Variants in RANBP2 observed in about 807,000 individuals in gnomAD.
RANBP2 encodes RAN binding protein 2.
In RANBP2, 57 loss-of-function variants were observed where a neutral mutation model predicts 303.6. That is an observed-to-expected ratio of 0.19 (90% confidence interval 0.15 to 0.23). The LOEUF (loss-of-function observed/expected upper bound fraction) is 0.23. RANBP2 is among the 10% of genes least tolerant of loss of function. RANBP2 has a pLI of 1.00. For missense variants in RANBP2, 3,138 were observed against 3,780.8 expected, an observed-to-expected ratio of 0.83 and a Z score of 4.46; for synonymous variants, 1,167 against 1,301.5, an observed-to-expected ratio of 0.90 and a Z score of 2.23.
the RANBP2 span, among the ~76,000 whole-genome samples, chr2:109,317,824 G>A: frequency 6.6e-6 from 1 of 152,250 alleles, no homozygotes; most frequent in Non-Finnish European, 1.5e-5. Flanking sequence ...TTAAGAACTA[G>A]CGCATCCGTC....
At chr2:109,648,159 C>T in the RANBP2 span, among the ~76,000 whole-genome samples, 470 of 152,248 alleles carry the variant, frequency 3.1e-3, 2 homozygotes, top group African/African-American at 0.011. Flanking sequence ...CGCTTGGGTC[C>T]TCGGGTGGGA....
the RANBP2 span, among the ~76,000 whole-genome samples, chr2:108,821,079 C>T: frequency 3.9e-5 from 6 of 152,042 alleles, no homozygotes; most frequent in South Asian, 2.1e-4. Context: ...AATTTGTGGC[C>T]GGGTGCGGTG....
chr2:109,488,591 G>A, the RANBP2 span, among the ~76,000 whole-genome samples: 22 of 152,106 alleles, frequency 1.4e-4, no homozygotes, highest in African/African-American at 2.9e-4. Flanking sequence ...TTCTGCCCCC[G>A]ACCCCTCACG....
At chr2:109,760,849 G>A in the RANBP2 span, among the ~76,000 whole-genome samples, 6 of 135,930 alleles carry the variant, frequency 4.4e-5, no homozygotes, top group African/African-American at 1.6e-4. Flanking sequence ...TCCTCACCTG[G>A]GCCGGGTGCT....
chr2:108,853,410 CTA>C, the RANBP2 span, among the ~76,000 whole-genome samples: 2 of 151,942 alleles, frequency 1.3e-5, no homozygotes, highest in African/African-American at 4.8e-5. Flanking sequence ...ATACAGAAAT[CTA>C]TGTGTATTTT....
At chr2:109,206,490 CAAAAAAAAAA>C in the RANBP2 span, among the ~76,000 whole-genome samples, 2 of 40,756 alleles carry the variant, frequency 4.9e-5, no homozygotes, top group African/African-American at 2.0e-4. Context: ...GACTCCGTCT[CAAAAAAAAAA>C]AAAAAAAAAA....
chr2:109,247,638 C>T, the RANBP2 span, among the ~76,000 whole-genome samples: 103 of 152,320 alleles, frequency 6.8e-4, no homozygotes, highest in Non-Finnish European at 1.1e-3. Flanking sequence ...TCACAGTTGA[C>T]GGACTGGCTG....
the RANBP2 span, among the ~76,000 whole-genome samples, chr2:109,397,005 C>T: frequency 2.0e-5 from 3 of 152,212 alleles, no homozygotes; most frequent in Non-Finnish European, 2.9e-5. Flanking sequence ...GAATGCCCCC[C>T]GGTGGCCTAC....
At chr2:108,908,019 G>C in the RANBP2 span, 5 of 1,607,216 alleles carry the variant, frequency 3.1e-6, no homozygotes, top group East Asian at 9.0e-5. Flanking sequence ...CATCGTTCTC[G>C]CTGCAAAAAC....
chr2:109,597,279 T>C, the RANBP2 span, among the ~76,000 whole-genome samples: 3 of 152,206 alleles, frequency 2.0e-5, no homozygotes, highest in East Asian at 1.9e-4. Flanking sequence ...AAAGTAATAA[T>C]AGGACAAGAG....
At chr2:108,902,338 T>TG in the RANBP2 span, among the ~76,000 whole-genome samples, 1 of 152,104 alleles carries the variant, frequency 6.6e-6, no homozygotes, top group Non-Finnish European at 1.5e-5. Flanking sequence ...ATTGTGCCAC[T>TG]GCACTCCAGC....
chr2:109,605,107 G>T, the RANBP2 span, among the ~76,000 whole-genome samples: 1 of 152,168 alleles, frequency 6.6e-6, no homozygotes. Flanking sequence ...CACTTCTCTT[G>T]AAGTTTCCAT....
the RANBP2 span, among the ~76,000 whole-genome samples, chr2:109,118,540 C>T: frequency 4.9e-4 from 74 of 151,572 alleles, no homozygotes; most frequent in South Asian, 4.6e-3. Flanking sequence ...CCACCGCAGC[C>T]GGCCACTCAG....
chr2:109,385,816 A>G, the RANBP2 span, among the ~76,000 whole-genome samples: 1 of 152,256 alleles, frequency 6.6e-6, no homozygotes, highest in African/African-American at 2.4e-5. Context: ...CCAGAAACAA[A>G]AAAAATAAAC....
At chr2:108,993,764 T>C in the RANBP2 span, among the ~76,000 whole-genome samples, 2 of 152,190 alleles carry the variant, frequency 1.3e-5, no homozygotes, top group African/African-American at 2.4e-5. Context: ...CTGCTACTGA[T>C]TAAACAAAAG....
the RANBP2 span, among the ~76,000 whole-genome samples, chr2:109,431,806 G>A: frequency 2.6e-5 from 4 of 152,160 alleles, no homozygotes; most frequent in African/African-American, 9.7e-5. Context: ...AGGCCATTGA[G>A]GCTGCAGTGA....
At chr2:109,497,067 G>C in the RANBP2 span, among the ~76,000 whole-genome samples, 1 of 152,208 alleles carries the variant, frequency 6.6e-6, no homozygotes, top group Non-Finnish European at 1.5e-5. Context: ...CAGATGCCTT[G>C]ATTTTGGCCC....
chr2:109,409,061 C>G, the RANBP2 span, among the ~76,000 whole-genome samples: 1 of 152,222 alleles, frequency 6.6e-6, no homozygotes, highest in Admixed American at 6.5e-5. Flanking sequence ...CCTCCCCTTT[C>G]CTTGTTGACG....
chr2:109,306,786 G>A, the RANBP2 span, among the ~76,000 whole-genome samples: 1 of 152,194 alleles, frequency 6.6e-6, no homozygotes, highest in South Asian at 2.1e-4. Context: ...AAACTACAGG[G>A]ACCTTTGATA....
Sources: gnomAD v4.1 joint callset for allele counts (sites outside exome capture counted in the v4.1 genomes callset) on GRCh38, gnomAD v4.1.1 for gene constraint, MANE v1.5 for transcripts, NCBI Gene and HGNC (gene_info 2026-07-23, HGNC 2026-07-21) for gene names.